Variants in CPEB1 observed in about 807,000 individuals in gnomAD.
CPEB1 encodes the protein cytoplasmic polyadenylation element binding protein 1.
In CPEB1, 7 loss-of-function variants were observed where a neutral mutation model predicts 65.8. The ratio of observed to expected loss-of-function variants is 0.11; its 90% CI spans 0.06 to 0.20. The LOEUF (loss-of-function observed/expected upper bound fraction) is 0.20. Among genes scored for constraint, CPEB1 ranks in the 10% least tolerant of loss-of-function variants. CPEB1 has a pLI of 1.00. For missense variants in CPEB1, 551 were observed against 712.2 expected (o/e 0.77, Z 2.58); for synonymous variants, 262 against 260.0 (o/e 1.01, Z -0.08).
intron 3 of CPEB1, among the ~76,000 whole-genome samples, chr15:82,622,090 T>C (rs924150697): frequency 6.6e-6 from 1 of 152,144 alleles, no homozygotes; most frequent in African/African-American, 2.4e-5. Flanking sequence ...ACATGTCCAT[T>C]TGCAGCCCAT....
At chr15:82,632,235 GCCT>G (rs1270386177) in intron 1 of CPEB1, among the ~76,000 whole-genome samples, 1 of 151,898 alleles carries the variant, frequency 6.6e-6, no homozygotes, top group Admixed American at 6.6e-5. Context: ...GCCCACCTTG[GCCT>G]CCCAAAGTGC....
At chr15:82,603,935 C>A (rs1212820867) in intron 3 of CPEB1, among the ~76,000 whole-genome samples, 1 of 152,096 alleles carries the variant, frequency 6.6e-6, no homozygotes, top group Non-Finnish European at 1.5e-5. Flanking sequence ...ATAAGACATT[C>A]AAAGAAACAA....
intron 11 of CPEB1, among the ~76,000 whole-genome samples, 161 bp downstream of exon 11, chr15:82,546,982 C>A (rs2035340491): frequency 6.6e-6 from 1 of 152,178 alleles, no homozygotes; most frequent in Admixed American, 6.5e-5. Context: ...AGACCAAGCC[C>A]ACTCCCAAAC....
intron 1 of CPEB1, among the ~76,000 whole-genome samples, chr15:82,640,381 A>G (rs993356541): frequency 6.6e-6 from 1 of 152,184 alleles, no homozygotes; most frequent in African/African-American, 2.4e-5. Context: ...TCTTGCACAT[A>G]GGAACACAAG....
At chr15:82,603,964 G>C (rs2043337611) in intron 3 of CPEB1, among the ~76,000 whole-genome samples, 1 of 152,120 alleles carries the variant, frequency 6.6e-6, no homozygotes, top group African/African-American at 2.4e-5. Flanking sequence ...CATTCATGGG[G>C]GAAAAAATCA....
At chr15:82,612,672 T>C (rs530256946) in intron 3 of CPEB1, among the ~76,000 whole-genome samples, 1 of 150,196 alleles carries the variant, frequency 6.7e-6, no homozygotes, top group East Asian at 2.0e-4. Flanking sequence ...CCATCTCTAT[T>C]AAAAATACAA....
chr15:82,591,486 C>G (rs904004238), intron 3 of CPEB1, among the ~76,000 whole-genome samples: 3 of 152,156 alleles, frequency 2.0e-5, no homozygotes, highest in Non-Finnish European at 2.9e-5. Context: ...AGGCTGGTCT[C>G]AAACTCCTGA....
At chr15:82,583,087 A>C (rs530946047) in intron 3 of CPEB1, among the ~76,000 whole-genome samples, 1 of 152,286 alleles carries the variant, frequency 6.6e-6, no homozygotes, top group Non-Finnish European at 1.5e-5. Flanking sequence ...TTCAGCAGAA[A>C]GTCAATTTCA....
At chr15:82,547,289 CTTTTTTTTTT>C (rs71156035) in intron 10 of CPEB1, 52 bp from the exon 11 acceptor site, 37 of 390,404 alleles carry the variant, frequency 9.5e-5, no homozygotes, top group Middle Eastern at 7.9e-4. Context: ...CCAAATGCTA[CTTTTTTTTTT>C]TTTTTTTTTT....
At chr15:82,619,504 C>T (rs2045093873) in intron 3 of CPEB1, among the ~76,000 whole-genome samples, 1 of 152,094 alleles carries the variant, frequency 6.6e-6, no homozygotes, top group Admixed American at 6.6e-5. Flanking sequence ...AAAGACAAAT[C>T]ACAGACTCAA....
rs1567174479 is a variant in CPEB1 at position 82,556,107 on chromosome 15, A to C, written c.703T>G (p.Ser235Ala). Residue 235 changes from serine to alanine, a missense_variant, in exon 6 of 13, where the codon TCT (serine) becomes GCT (alanine). Ser to Ala is a moderately conservative substitution (Grantham distance 99). Transcript: ENST00000684509. ...AGAGACAGGAAGGGCAGAGGTGGAG[A>C]AATGCGAAGGCTTGACTAGGGGAGG... is the stretch of plus-strand genomic sequence containing the variant. ...LSDLISSLRISPPLPFLSLSG... is the reference protein window; with the variant it reads ...LSDLISSLRIAPPLPFLSLSG... 1.2e-6 allele frequency: 2 copies of C among 1,606,142 alleles called. No individual in the cohort carries two copies. The highest frequency in any genetic ancestry group is 1.7e-6 in the Non-Finnish European group (2 of 1,177,148).
chr15:82,580,048 G>A (rs573428689), intron 3 of CPEB1, among the ~76,000 whole-genome samples: 3 of 150,224 alleles, frequency 2.0e-5, no homozygotes, highest in Admixed American at 6.7e-5. Flanking sequence ...TGGGCCAGGC[G>A]CGGTGGCTCA....
rs1000352568 is a variant in CPEB1 at position 82,576,904 on chromosome 15, A to T, written c.272-5372T>A. Among the ~76,000 whole-genome samples the T allele has an allele frequency of 3.3e-5, 5 of 152,132 alleles. No individual in the cohort carries two copies. The East Asian group carries it at 7.7e-4, about 23-fold the overall frequency. On this transcript the variant is annotated intron_variant, in intron 3 of 12. Transcript: ENST00000684509. ...CCGGGCATGGTGGGTGCACACTTGT[A>T]GTCACAGCTACTTGGGTGGCTGAGG... is the stretch of plus-strand genomic sequence containing the variant.
chr15:82,644,129 G>C (rs989419295), intron 1 of CPEB1, among the ~76,000 whole-genome samples: 3 of 152,134 alleles, frequency 2.0e-5, no homozygotes, highest in South Asian at 2.1e-4. Flanking sequence ...ATACATTGTG[G>C]AATGATAGAC....
chr15:82,621,843 T>G (rs1485386062), intron 3 of CPEB1, among the ~76,000 whole-genome samples: 1 of 152,182 alleles, frequency 6.6e-6, no homozygotes, highest in Non-Finnish European at 1.5e-5. Flanking sequence ...TAAACCTTAC[T>G]TAGGACTGCT....
chr15:82,589,637 G>A (rs1052145246), intron 3 of CPEB1, among the ~76,000 whole-genome samples: 2 of 151,794 alleles, frequency 1.3e-5, no homozygotes, highest in Non-Finnish European at 2.9e-5. Context: ...CCAGCTACTC[G>A]GGAGGCTGAG....
At position 82,581,404 on chromosome 15, in the gene CPEB1, G is replaced by C. The variant is rs143403681; in HGVS notation, c.272-9872C>G. ...TGACTATTGTAAATAGTACTGTTATGAACACTAGCATACAAATATGTGTTC... is the reference window on the plus strand; with the variant it reads ...TGACTATTGTAAATAGTACTGTTATCAACACTAGCATACAAATATGTGTTC... On this transcript the variant is annotated intron_variant, in intron 3 of 12. Coordinates refer to ENST00000684509, the MANE Select transcript of CPEB1 (RefSeq NM_001365242.1). 5.1e-3 allele frequency among the ~76,000 whole-genome samples: 776 copies of C among 152,250 alleles called. 5 individuals carry two copies. The highest frequency in any genetic ancestry group is 0.029 in the South Asian group (139 of 4,830).
intron 3 of CPEB1, among the ~76,000 whole-genome samples, chr15:82,621,597 A>G (rs1006210881): frequency 5.3e-5 from 8 of 151,424 alleles, no homozygotes; most frequent in African/African-American, 1.9e-4. Context: ...CAGCCTGGGA[A>G]ACAAGAGTGA....
intron 3 of CPEB1, among the ~76,000 whole-genome samples, chr15:82,589,550 C>T (rs944063404): frequency 6.6e-6 from 1 of 152,086 alleles, no homozygotes; most frequent in Non-Finnish European, 1.5e-5. Flanking sequence ...TTAGGACCAG[C>T]CCGGCCAACA....
Sources: allele counts gnomAD v4.1 joint callset (sites outside exome capture counted in the v4.1 genomes callset), GRCh38; gene constraint gnomAD v4.1.1; transcripts MANE v1.5; gene names NCBI Gene and HGNC (gene_info 2026-07-23, HGNC 2026-07-21).